The following FBXW11 variants were observed in gnomAD, a reference collection of about 807,000 sequenced individuals.
FBXW11 encodes F-box/WD repeat-containing protein 11.
In FBXW11, 19 loss-of-function variants were observed where a neutral mutation model predicts 77.6. That is an observed-to-expected ratio of 0.24 (90% CI 0.17 to 0.36). FBXW11 has a LOEUF of 0.36. Ranked by LOEUF, FBXW11 falls within the 10% of genes least tolerant of loss-of-function variation. The pLI is 1.00. For missense variants in FBXW11, 334 were observed against 704.2 expected, an observed-to-expected ratio of 0.47 and a Z score of 5.95; for synonymous variants, 235 against 249.4, an observed-to-expected ratio of 0.94 and a Z score of 0.54.
chr5:171,934,113 C>T (rs1250723532), intron 2 of FBXW11, among the ~76,000 whole-genome samples: 1 of 152,114 alleles, frequency 6.6e-6, no homozygotes, highest in African/African-American at 2.4e-5. Flanking sequence ...CAATGTATGC[C>T]TTAGTGCGTA....
At chr5:172,006,061 T>C (rs1766741362) in intron 1 of FBXW11, among the ~76,000 whole-genome samples, 1 of 151,750 alleles carries the variant, frequency 6.6e-6, no homozygotes, top group Non-Finnish European at 1.5e-5. Context: ...TCACTCGGCC[T>C]GAGTGGGGCT....
chr5:171,928,928 C>G (rs936509211), intron 2 of FBXW11, among the ~76,000 whole-genome samples: 2 of 151,524 alleles, frequency 1.3e-5, no homozygotes, highest in Non-Finnish European at 2.9e-5. Context: ...CAAAAATTAG[C>G]TGGGCATAGT....
chr5:171,875,033 C>T (rs756547751), intron 9 of FBXW11, among the ~76,000 whole-genome samples: 1 of 152,150 alleles, frequency 6.6e-6, no homozygotes, highest in Non-Finnish European at 1.5e-5. Flanking sequence ...ATAACAGCAT[C>T]ATTTGTAATA....
chr5:172,002,783 A>G (rs906998496), intron 1 of FBXW11, among the ~76,000 whole-genome samples: 5 of 141,418 alleles, frequency 3.5e-5, no homozygotes, highest in African/African-American at 1.4e-4. Context: ...CTGCAACCTC[A>G]AACTCCTGGG....
At chr5:171,970,924 G>A (rs1400312693) in intron 1 of FBXW11, among the ~76,000 whole-genome samples, 1 of 152,194 alleles carries the variant, frequency 6.6e-6, no homozygotes, top group Non-Finnish European at 1.5e-5. Flanking sequence ...CAGGGGCTAG[G>A]ACAGCCTTAG....
chr5:171,891,333 A>G, intron 7 of FBXW11, 134 bp downstream of exon 7: 1 of 745,090 alleles, frequency 1.3e-6, no homozygotes, highest in Non-Finnish European at 2.0e-6. Flanking sequence ...GTTCTTTAGA[A>G]CTACACTGAG....
At position 171,957,654 on chromosome 5, in the gene FBXW11, T is replaced by A. The variant is rs1763683513; in HGVS notation, c.90A>T (p.Val30=). ...RSLWLGCANL[V]ESMCALSCLQ... ...GGCAACTCAGTGCGCACATGCTCTCTACCAGGTTGGCGCAGCCTAGCCACA... is the reference window on the plus strand; with the variant it reads ...GGCAACTCAGTGCGCACATGCTCTCAACCAGGTTGGCGCAGCCTAGCCACA... The change falls in exon 2 of 14, where the codon GTA becomes GTT. Residue 30 remains valine (V), a synonymous_variant. Transcript: ENST00000517395. 2.5e-6 allele frequency: 4 copies of A among 1,614,194 alleles called. No homozygotes were observed. Among genetic ancestry groups the A allele is most frequent in the Non-Finnish European group, 2.5e-6 (3 of 1,180,016 alleles).
intron 7 of FBXW11, among the ~76,000 whole-genome samples, chr5:171,884,769 A>G (rs1244173511): frequency 6.6e-6 from 1 of 152,144 alleles, no homozygotes; most frequent in African/African-American, 2.4e-5. Context: ...AGTGTTTTGT[A>G]GTTTTCCTTG....
At chr5:171,916,082 G>A (rs1292176261) in intron 2 of FBXW11, among the ~76,000 whole-genome samples, 1 of 149,810 alleles carries the variant, frequency 6.7e-6, no homozygotes, top group Non-Finnish European at 1.5e-5. Context: ...ACACACTGGG[G>A]CCTGTCGTGG....
chr5:171,973,582 T>A (rs1040130531), intron 1 of FBXW11, among the ~76,000 whole-genome samples: 2 of 152,130 alleles, frequency 1.3e-5, no homozygotes, highest in Non-Finnish European at 2.9e-5. Context: ...AACAGCAAAG[T>A]GTAAGGATGG....
intron 2 of FBXW11, among the ~76,000 whole-genome samples, chr5:171,948,448 G>A (rs557941402): frequency 6.7e-6 from 1 of 148,508 alleles, no homozygotes; most frequent in East Asian, 2.1e-4. Context: ...TAAAAAAAAA[G>A]TGTTACTAGC....
At chr5:171,911,572 G>A (rs1197087113) in intron 3 of FBXW11, among the ~76,000 whole-genome samples, 1 of 152,118 alleles carries the variant, frequency 6.6e-6, no homozygotes, top group Non-Finnish European at 1.5e-5. Flanking sequence ...TACTAATCTG[G>A]CAGAACGGTT....
chr5:172,002,812 C>T (rs1034457893), intron 1 of FBXW11, among the ~76,000 whole-genome samples: 1 of 151,132 alleles, frequency 6.6e-6, no homozygotes, highest in East Asian at 1.9e-4. Context: ...ATCCTCCCCA[C>T]CTCAGGCTCC....
At chr5:171,903,556 A>G (rs898972460) in intron 4 of FBXW11, among the ~76,000 whole-genome samples, 1 of 152,208 alleles carries the variant, frequency 6.6e-6, no homozygotes, top group African/African-American at 2.4e-5. Flanking sequence ...ATTTTTGTTC[A>G]GTCTCTAGCC....
intron 1 of FBXW11, among the ~76,000 whole-genome samples, chr5:171,969,673 T>C (rs1764414144): frequency 6.6e-6 from 1 of 152,200 alleles, no homozygotes. Context: ...TCCACTGCCT[T>C]CAAGAGTATT....
At position 171,863,293 on chromosome 5, in the gene FBXW11, G is replaced by A. The variant is rs998586238; in HGVS notation, c.*834C>T. On this transcript the variant is annotated 3_prime_UTR_variant, in exon 14 of 14. Transcript: ENST00000517395. ...AAGTGCGAACACACTCTGTATTAGT[G>A]TCTCAAGCACAGGGGGCCCTGACTC... The A allele has an allele frequency of 3.3e-5, 5 of 152,746 alleles. No homozygotes were observed. The highest frequency in any genetic ancestry group is 1.2e-4 in the African/African-American group (5 of 41,462). The allele number at this position is 152,746 out of a possible 1,614,324, so 9.5% of individuals were successfully genotyped here.
intron 6 of FBXW11, among the ~76,000 whole-genome samples, chr5:171,895,270 T>C (rs1031383023): frequency 1.3e-5 from 2 of 152,210 alleles, no homozygotes; most frequent in Non-Finnish European, 2.9e-5. Context: ...AAAGTAGCCA[T>C]GATACACAGA....
intron 7 of FBXW11, among the ~76,000 whole-genome samples, chr5:171,884,469 T>C (rs1272271722): frequency 3.3e-5 from 5 of 152,208 alleles, no homozygotes; most frequent in African/African-American, 1.2e-4. Context: ...TGAAATCAGG[T>C]AGTGTGATGC....
At chr5:171,951,644 C>T (rs1478624969) in intron 2 of FBXW11, among the ~76,000 whole-genome samples, 1 of 152,042 alleles carries the variant, frequency 6.6e-6, no homozygotes, top group Non-Finnish European at 1.5e-5. Context: ...GTGCATGCCA[C>T]CATACCTGGC....
Sources: allele counts gnomAD v4.1 joint callset (sites outside exome capture counted in the v4.1 genomes callset), GRCh38; gene constraint gnomAD v4.1.1; transcripts MANE v1.5; gene names NCBI Gene and HGNC (gene_info 2026-07-23, HGNC 2026-07-21).